Variants in PPME1 observed in about 807,000 individuals in gnomAD.
PPME1 encodes testicular secretory protein Li 39.
In PPME1, 17 loss-of-function variants were observed where a neutral mutation model predicts 56.9. The ratio of observed to expected loss-of-function variants is 0.30; its 90% confidence interval spans 0.20 to 0.45. The LOEUF is 0.45. Among genes scored for constraint, PPME1 ranks in the 20% least tolerant of loss-of-function variants. The pLI is 1.00. For synonymous variants in PPME1, 122 were observed against 156.2 expected, an observed-to-expected ratio of 0.78 and a Z score of 1.63; for missense variants, 357 against 483.2, an observed-to-expected ratio of 0.74 and a Z score of 2.45.
intron 1 of PPME1, among the ~76,000 whole-genome samples, chr11:74,178,317 C>T (rs1857449002): frequency 1.3e-5 from 2 of 152,176 alleles, no homozygotes; most frequent in East Asian, 3.8e-4. Flanking sequence ...ACAGATTTTT[C>T]CCTTAAGTCT....
chr11:74,217,790 G>A (rs1180385697), intron 3 of PPME1, among the ~76,000 whole-genome samples: 2 of 151,250 alleles, frequency 1.3e-5, no homozygotes, highest in African/African-American at 4.9e-5. Flanking sequence ...CACAATAAAA[G>A]CCATATACAA....
At chr11:74,201,353 C>T (rs74928993) in intron 1 of PPME1, among the ~76,000 whole-genome samples, 15,765 of 151,984 alleles carry the variant, frequency 0.1, 2,133 homozygotes, top group African/African-American at 0.32. Context: ...ATAATTTCTA[C>T]TTATAGGAAG....
intron 1 of PPME1, among the ~76,000 whole-genome samples, chr11:74,183,705 G>C (rs1157818869): frequency 6.6e-6 from 1 of 151,718 alleles, no homozygotes; most frequent in Non-Finnish European, 1.5e-5. Flanking sequence ...CTTTTTCTTA[G>C]CTTTTCATCT....
At chr11:74,236,167 C>A (rs1260085792) in intron 8 of PPME1, among the ~76,000 whole-genome samples, 26 of 152,112 alleles carry the variant, frequency 1.7e-4, no homozygotes, top group Admixed American at 1.7e-3. Context: ...CTTTCCTTCC[C>A]TTTCTTTTTT....
chr11:74,249,628 A>G (rs938510646), intron 11 of PPME1: 1 of 152,190 alleles, frequency 6.6e-6, no homozygotes, highest in Non-Finnish European at 1.5e-5. Context: ...TAAAGACTTA[A>G]GCATCTACTC....
intron 9 of PPME1, among the ~76,000 whole-genome samples, chr11:74,240,166 T>A (rs924425873): frequency 3.3e-5 from 5 of 152,120 alleles, no homozygotes; most frequent in Admixed American, 6.5e-5. Context: ...AAAGTCTGTA[T>A]GACACACCTT....
intron 1 of PPME1, among the ~76,000 whole-genome samples, chr11:74,190,222 C>G (rs1012807994): frequency 1.3e-5 from 2 of 152,148 alleles, no homozygotes; most frequent in African/African-American, 4.8e-5. Context: ...ATGTTTGTCC[C>G]CTCCAAATCT....
chr11:74,175,085 A>C (rs1476834792), intron 1 of PPME1, among the ~76,000 whole-genome samples: 1 of 152,190 alleles, frequency 6.6e-6, no homozygotes, highest in African/African-American at 2.4e-5. Context: ...TTTGCTTTGC[A>C]CCCCTGGTGT....
chr11:74,211,359 G>A (rs753581860), intron 3 of PPME1, among the ~76,000 whole-genome samples: 1 of 151,968 alleles, frequency 6.6e-6, no homozygotes, highest in Non-Finnish European at 1.5e-5. Flanking sequence ...AAAAAAAAGA[G>A]CAATCTGGTC....
intron 1 of PPME1, among the ~76,000 whole-genome samples, chr11:74,176,324 G>A (rs2135589339): frequency 6.6e-6 from 1 of 152,242 alleles, no homozygotes; most frequent in African/African-American, 2.4e-5. Context: ...GGCCTCTTAG[G>A]AAGGCTTTAA....
chr11:74,201,917 C>T (rs1382851932), intron 1 of PPME1, among the ~76,000 whole-genome samples: 1 of 148,668 alleles, frequency 6.7e-6, no homozygotes, highest in Non-Finnish European at 1.5e-5. Context: ...CTAAGTTCTG[C>T]TTTTAGTTTT....
At chr11:74,221,984 T>C (rs1227204410) in intron 3 of PPME1, among the ~76,000 whole-genome samples, 1 of 152,138 alleles carries the variant, frequency 6.6e-6, no homozygotes, top group African/African-American at 2.4e-5. Context: ...GGAAAAGATA[T>C]CCAAGGAATA....
At chr11:74,239,907 A>ATCTG (rs919249317) in intron 9 of PPME1, among the ~76,000 whole-genome samples, 3 of 150,282 alleles carry the variant, frequency 2.0e-5, no homozygotes, top group African/African-American at 7.4e-5. Context: ...TACCCTGTCC[A>ATCTG]TCTGTCTTTC....
intron 1 of PPME1, among the ~76,000 whole-genome samples, chr11:74,191,556 C>T (rs995291372): frequency 6.6e-6 from 1 of 152,124 alleles, no homozygotes; most frequent in African/African-American, 2.4e-5. Context: ...TGGGAAGGTC[C>T]CTCTCATCAC....
At position 74,253,693 on chromosome 11, in the gene PPME1, G is replaced by A. The variant is rs1859762857; in HGVS notation, c.*183G>A. On this transcript the variant is annotated 3_prime_UTR_variant, in exon 14 of 14. Coordinates refer to ENST00000328257, the MANE Select transcript of PPME1 (RefSeq NM_016147.3). Reference sequence around the variant, plus strand: ...TTCTGCCAAAAGCATTGTTTTCCAGGGCCCTTGACCAACATCGGCTTCCCC... The same window carrying A: ...TTCTGCCAAAAGCATTGTTTTCCAGAGCCCTTGACCAACATCGGCTTCCCC... The A allele has an allele frequency of 1.5e-6, 1 of 686,356 alleles. No individual in the cohort carries two copies. Among genetic ancestry groups the A allele is most frequent in the African/African-American group, 1.8e-5 (1 of 56,034 alleles). The allele number at this position is 686,356 out of a possible 1,614,324, so 42.5% of individuals were successfully genotyped here.
At position 74,230,281 on chromosome 11, in the gene PPME1, C is replaced by A; in HGVS notation, c.435C>A (p.Asp145Glu). Residue 145 changes from aspartate (D) to glutamate (E), a missense_variant, in exon 6 of 14, where the codon GAC becomes GAA. By Grantham distance (45) the Asp-to-Glu change is conservative. Coordinates refer to ENST00000328257, the MANE Select transcript of PPME1 (RefSeq NM_016147.3). The surrounding 1 kb of genome is among the most constrained non-coding windows in gnomAD (Gnocchi z 4.9). ...ATGTGGTTGAAGCCATGTATGGGGA[C>A]CTTCCTCCTCCAATTATGCTGATTG... ...VGNVVEAMYG[D>E]LPPPIMLIGH... is the part of the protein sequence containing the mutation. The A allele has an allele frequency of 6.2e-7, 1 of 1,613,016 alleles. No homozygotes were observed. The highest frequency in any genetic ancestry group is 8.5e-7 in the Non-Finnish European group (1 of 1,179,532).
Position 74,228,238 on chromosome 11 carries a change from A to G in PPME1, c.399-2007A>G, listed in dbSNP as rs954770787. 2.0e-5 allele frequency among the ~76,000 whole-genome samples: 3 copies of G among 151,126 alleles called. No individual in the cohort carries two copies. The East Asian group carries it at 5.8e-4, about 29-fold the overall frequency. ...ATAATTTTTTCTGGTCTGTTATTTT[A>G]ATATGCAGAATTAGCTTTGGAATAC... is the stretch of plus-strand genomic sequence containing the variant. On this transcript the variant is annotated intron_variant, in intron 5 of 13. Coordinates refer to ENST00000328257, the MANE Select transcript of PPME1 (RefSeq NM_016147.3).
At chr11:74,227,783 T>G (rs1411992618) in intron 5 of PPME1, among the ~76,000 whole-genome samples, 1 of 152,158 alleles carries the variant, frequency 6.6e-6, no homozygotes, top group African/African-American at 2.4e-5. Context: ...ACTTGTTGAC[T>G]GAATGCTCTG....
Position 74,230,449 on chromosome 11 carries a change from T to A in PPME1, c.553+50T>A. ...ATCAGGATTTCACTTATAAGAGACA[T>A]CCTTGGTAGATTATTACCTTGTCTT... On this transcript the variant is annotated intron_variant, in intron 6 of 13. Coordinates refer to ENST00000328257, the MANE Select transcript of PPME1 (RefSeq NM_016147.3). The surrounding 1 kb of genome is among the most constrained non-coding windows in gnomAD (Gnocchi z 4.9). 1 of 1,575,912 alleles carries A rather than the reference T, an allele frequency of 6.3e-7. No homozygotes were observed. The highest frequency in any genetic ancestry group is 8.7e-7 in the Non-Finnish European group (1 of 1,150,004).
Sources: allele counts gnomAD v4.1 joint callset (sites outside exome capture counted in the v4.1 genomes callset), GRCh38; gene constraint gnomAD v4.1.1; non-coding constraint Gnocchi (gnomAD v3.1); transcripts MANE v1.5; gene names NCBI Gene and HGNC (gene_info 2026-07-23, HGNC 2026-07-21).